Variants in CDH10 observed in about 807,000 individuals in gnomAD.
The protein encoded by CDH10 is cadherin-10.
A neutral mutation model predicts 73.1 loss-of-function variants in CDH10; 30 were observed. The ratio of observed to expected loss-of-function variants is 0.41; its 90% CI spans 0.31 to 0.56. The LOEUF (loss-of-function observed/expected upper bound fraction) is 0.56, where lower values mean the gene tolerates loss of function less well. Among genes scored for constraint, CDH10 ranks in the 20% least tolerant of loss-of-function variants. The pLI, the probability that CDH10 is intolerant of heterozygous loss-of-function variation, is 0.27. For synonymous variants in CDH10, 345 were observed against 348.2 expected, an observed-to-expected ratio of 0.99 and a Z score of 0.10; for missense variants, 815 against 973.7, an observed-to-expected ratio of 0.84 and a Z score of 2.17.
In CDH10 at chr5:24,552,394, TAATA is replaced by T. The variant is rs900748761; in HGVS notation, c.232-14724_232-14721del. On this transcript the variant is annotated intron_variant, in intron 2 of 11. Transcript: ENST00000264463. The stretch of plus-strand genomic sequence containing the variant: ...TTCAATATAATAATTATAATCAATA[TAATA>T]AATAAGTTTTCATTAAATGCCTTTG... 1.6e-4 allele frequency among the ~76,000 whole-genome samples: 24 copies of T among 152,092 alleles called. No individual in the cohort carries two copies. In the South Asian group the frequency reaches 2.5e-3, roughly 16 times the overall value.
chr5:24,630,510 G>A (rs1747667241), intron 1 of CDH10, among the ~76,000 whole-genome samples: 1 of 149,412 alleles, frequency 6.7e-6, no homozygotes, highest in African/African-American at 2.5e-5. Flanking sequence ...CTGAGATTGT[G>A]CCACGGCACT....
chr5:24,533,147 C>T lies in CDH10; in HGVS notation c.814+1965G>A, dbSNP rs191456164. On this transcript the variant is annotated intron_variant, in intron 5 of 11. Transcript: ENST00000264463. ...TTCAAGATGAGCCTGGGCAACACGG[C>T]GAAACCTTGTCTCTATTAAAATTAC... Among the ~76,000 whole-genome samples, 22 of 151,888 alleles carry T rather than the reference C, an allele frequency of 1.4e-4. 1 individual carries two copies. The highest frequency in any genetic ancestry group is 7.8e-4 in the East Asian group (4 of 5,138).
intron 1 of CDH10, among the ~76,000 whole-genome samples, chr5:24,611,612 A>G (rs1397061367): frequency 6.6e-6 from 1 of 152,072 alleles, no homozygotes; most frequent in Non-Finnish European, 1.5e-5. Flanking sequence ...TTTTGTTAAC[A>G]ATGAACTTTT....
intron 2 of CDH10, among the ~76,000 whole-genome samples, chr5:24,562,524 T>C (rs545083120): frequency 1.5e-3 from 225 of 152,234 alleles, no homozygotes; most frequent in Non-Finnish European, 2.7e-3. Flanking sequence ...ACTTGTCTTA[T>C]GATATACCCT....
At chr5:24,505,008 TTA>T in intron 8 of CDH10, 102 bp downstream of exon 8, 1 of 820,938 alleles carries the variant, frequency 1.2e-6, no homozygotes, top group Admixed American at 2.8e-5. Context: ...TGAGAATGAA[TTA>T]TTTTTAATGT....
chr5:24,620,606 G>A (rs772946994), intron 1 of CDH10, among the ~76,000 whole-genome samples: 1 of 152,120 alleles, frequency 6.6e-6, no homozygotes, highest in African/African-American at 2.4e-5. Flanking sequence ...TATATACTAA[G>A]GACAGTACAT....
chr5:24,573,496 T>C (rs1252953807), intron 2 of CDH10, among the ~76,000 whole-genome samples: 1 of 151,750 alleles, frequency 6.6e-6, no homozygotes, highest in Non-Finnish European at 1.5e-5. Context: ...GGTCAGGAGA[T>C]TGAGACCATC....
At chr5:24,507,112 C>A (rs1034518214) in intron 7 of CDH10, among the ~76,000 whole-genome samples, 1 of 152,080 alleles carries the variant, frequency 6.6e-6, no homozygotes, top group African/African-American at 2.4e-5. Context: ...ACTGTATTAA[C>A]ATTCACAAGA....
At chr5:24,542,248 G>T (rs1295450653) in intron 2 of CDH10, among the ~76,000 whole-genome samples, 1 of 152,122 alleles carries the variant, frequency 6.6e-6, no homozygotes, top group Non-Finnish European at 1.5e-5. Flanking sequence ...AATGAAATAA[G>T]CTTACACGTA....
intron 9 of CDH10, among the ~76,000 whole-genome samples, chr5:24,494,912 G>C (rs186241877): frequency 2.0e-5 from 3 of 152,074 alleles, no homozygotes; most frequent in African/African-American, 7.2e-5. Context: ...TTAAGACTTC[G>C]CTACTGCAGA....
chr5:24,574,249 A>G (rs535145245), intron 2 of CDH10, among the ~76,000 whole-genome samples: 199 of 152,218 alleles, frequency 1.3e-3, no homozygotes, highest in African/African-American at 4.5e-3. Flanking sequence ...CACTACATAA[A>G]TAACAGTGAT....
chr5:24,610,927 A>C (rs1222670425), intron 1 of CDH10, among the ~76,000 whole-genome samples: 1 of 152,244 alleles, frequency 6.6e-6, no homozygotes, highest in African/African-American at 2.4e-5. Flanking sequence ...AGCAATCAGT[A>C]TTTAGTAAAA....
At chr5:24,513,989 G>A (rs1460580729) in intron 5 of CDH10, among the ~76,000 whole-genome samples, 1 of 152,022 alleles carries the variant, frequency 6.6e-6, no homozygotes, top group Admixed American at 6.6e-5. Flanking sequence ...TATTTGTATG[G>A]AACATAAGAA....
At chr5:24,590,948 G>T (rs1447414121) in intron 2 of CDH10, among the ~76,000 whole-genome samples, 3 of 151,980 alleles carry the variant, frequency 2.0e-5, no homozygotes, top group African/African-American at 7.2e-5. Context: ...TTTAAAGGAT[G>T]TAAAAACCGG....
intron 2 of CDH10, chr5:24,578,419 A>C: frequency 3.4e-6 from 1 of 295,776 alleles, no homozygotes. Context: ...CTGGCCATGG[A>C]GACTTTATTC....
At chr5:24,543,949 A>G (rs1744244852) in intron 2 of CDH10, among the ~76,000 whole-genome samples, 1 of 152,164 alleles carries the variant, frequency 6.6e-6, no homozygotes, top group African/African-American at 2.4e-5. Context: ...TTCAATATTA[A>G]TGTACATAAA....
At chr5:24,550,784 G>A (rs141505707) in intron 2 of CDH10, among the ~76,000 whole-genome samples, 48 of 152,214 alleles carry the variant, frequency 3.2e-4, no homozygotes, top group Middle Eastern at 6.8e-3. Flanking sequence ...GAGTCACTGA[G>A]TTTTTCTCCA....
At chr5:24,531,053 T>C (rs1480409473) in intron 5 of CDH10, among the ~76,000 whole-genome samples, 1 of 152,194 alleles carries the variant, frequency 6.6e-6, no homozygotes, top group South Asian at 2.1e-4. Flanking sequence ...CAGTTGTGGA[T>C]AGACTCCCTT....
intron 2 of CDH10, among the ~76,000 whole-genome samples, chr5:24,539,654 T>C (rs1744080511): frequency 6.6e-6 from 1 of 152,082 alleles, no homozygotes; most frequent in African/African-American, 2.4e-5. Flanking sequence ...ACAAATAGTT[T>C]CTTACTACAT....
Sources: allele counts gnomAD v4.1 joint callset (sites outside exome capture counted in the v4.1 genomes callset), GRCh38; gene constraint gnomAD v4.1.1; transcripts MANE v1.5; gene names NCBI Gene and HGNC (gene_info 2026-07-23, HGNC 2026-07-21).